AGMO: variants seen among roughly 807,000 people sequenced by gnomAD.
The protein encoded by AGMO is alkylglycerol monooxygenase.
A neutral mutation model predicts 60.2 loss-of-function variants in AGMO; 75 were observed. That is an observed-to-expected ratio of 1.25 (90% CI 1.03 to 1.51). The LOEUF (loss-of-function observed/expected upper bound fraction) is 1.51. AGMO is among the 40% of genes most tolerant of loss of function. AGMO has a pLI of 0.00. For missense variants in AGMO, 763 were observed against 525.5 expected (o/e 1.45, Z -4.42); for synonymous variants, 261 against 177.1 (o/e 1.47, Z -3.76).
downstream of AGMO, among the ~76,000 whole-genome samples, chr7:15,197,712 C>T (rs1217971712): frequency 6.6e-6 from 1 of 152,204 alleles, no homozygotes; most frequent in Non-Finnish European, 1.5e-5. Flanking sequence ...TGGACTCATT[C>T]ACCCTGTCAA....
chr7:15,544,355 A>C (rs188916237), intron 3 of AGMO, among the ~76,000 whole-genome samples: 1 of 152,260 alleles, frequency 6.6e-6, no homozygotes, highest in East Asian at 1.9e-4. Flanking sequence ...CTTGTTGCCC[A>C]AAAACCTATT....
intron 12 of AGMO, among the ~76,000 whole-genome samples, chr7:15,355,270 A>C (rs1364837630): frequency 6.6e-6 from 1 of 152,062 alleles, no homozygotes; most frequent in Non-Finnish European, 1.5e-5. Flanking sequence ...TGGGAGGCCG[A>C]GACGGGCGGA....
intron 12 of AGMO, among the ~76,000 whole-genome samples, chr7:15,357,089 A>C (rs1479580274): frequency 1.3e-5 from 2 of 151,818 alleles, no homozygotes; most frequent in Non-Finnish European, 1.5e-5. Flanking sequence ...GCACCATTGC[A>C]CAGAAGCGAG....
At chr7:15,558,542 AT>A (rs1785215501) in intron 2 of AGMO, among the ~76,000 whole-genome samples, 1 of 152,052 alleles carries the variant, frequency 6.6e-6, no homozygotes, top group South Asian at 2.1e-4. Context: ...GGGGACAAGT[AT>A]TATAATAAAG....
chr7:15,365,435 G>C (rs1014869866), intron 12 of AGMO, 79 bp downstream of exon 12: 5 of 751,170 alleles, frequency 6.7e-6, no homozygotes, highest in Non-Finnish European at 8.3e-6. Context: ...AAATGAAGTA[G>C]AGAAAACATC....
At chr7:15,372,584 C>T (rs1007754195) in intron 10 of AGMO, among the ~76,000 whole-genome samples, 5 of 151,882 alleles carry the variant, frequency 3.3e-5, no homozygotes, top group Non-Finnish European at 5.9e-5. Flanking sequence ...GAATTCATAC[C>T]ACCTTAGTAT....
intron 3 of AGMO, among the ~76,000 whole-genome samples, chr7:15,472,569 G>C (rs1782477159): frequency 6.6e-6 from 1 of 151,862 alleles, no homozygotes; most frequent in Non-Finnish European, 1.5e-5. Context: ...GTGTTGCTTT[G>C]AGAAAGAACA....
At chr7:15,360,788 A>G (rs569162295) in intron 12 of AGMO, among the ~76,000 whole-genome samples, 60 of 152,308 alleles carry the variant, frequency 3.9e-4, no homozygotes, top group Middle Eastern at 3.4e-3. Context: ...AAAAGCTATA[A>G]TAACTGCCAG....
At chr7:15,175,971 A>G in the AGMO span, among the ~76,000 whole-genome samples, 1 of 152,078 alleles carries the variant, frequency 6.6e-6, no homozygotes, top group East Asian at 1.9e-4. Context: ...TTACTGATAC[A>G]TGGAACCAAG....
chr7:15,453,466 C>T lies in AGMO; in HGVS notation c.410-22358G>A, dbSNP rs115554031. Among the ~76,000 whole-genome samples, 1,010 of 152,258 alleles carry T rather than the reference C, an allele frequency of 6.6e-3. 15 individuals carry two copies. The highest frequency in any genetic ancestry group is 0.023 in the African/African-American group (967 of 41,552). On this transcript the variant is annotated intron_variant, in intron 3 of 12. Coordinates refer to ENST00000342526, the MANE Select transcript of AGMO (RefSeq NM_001004320.2). ...CAGTGTAACAGAACACCGTACAAGT[C>T]AGGCTGCAAAAAGTGCTGCCTTAAC...
At chr7:15,559,456 C>A (rs1433648805) in intron 2 of AGMO, among the ~76,000 whole-genome samples, 1 of 152,064 alleles carries the variant, frequency 6.6e-6, no homozygotes, top group African/African-American at 2.4e-5. Context: ...TATGCTTAGA[C>A]CTAATGAATG....
intron 12 of AGMO, among the ~76,000 whole-genome samples, chr7:15,271,517 G>T (rs1319796762): frequency 6.6e-6 from 1 of 152,038 alleles, no homozygotes; most frequent in Non-Finnish European, 1.5e-5. Context: ...TGTTAATTTT[G>T]TATCTTGAAA....
intron 10 of AGMO, among the ~76,000 whole-genome samples, 164 bp downstream of exon 10, chr7:15,385,282 T>C (rs886374892): frequency 6.6e-6 from 1 of 152,232 alleles, no homozygotes; most frequent in Non-Finnish European, 1.5e-5. Context: ...TTACATTTAG[T>C]AGTCTAGAAG....
chr7:15,389,327 A>G (rs1784048396), intron 8 of AGMO, among the ~76,000 whole-genome samples: 1 of 152,154 alleles, frequency 6.6e-6, no homozygotes, highest in South Asian at 2.1e-4. Flanking sequence ...AATGACTGCA[A>G]TAAGGAGACA....
the AGMO span, among the ~76,000 whole-genome samples, chr7:15,193,127 C>G: frequency 6.6e-6 from 1 of 152,070 alleles, no homozygotes; most frequent in South Asian, 2.1e-4. Context: ...TTAATACATT[C>G]AAAAGTGTTG....
rs960294218 is a variant in AGMO, at chr7:15,560,970, A to G, written c.127-699T>C. ...CTTAAAAACTCAGAAAGAAAGTGTAATATCTAATCTTGAAAAAGATACGGA... is the reference window on the plus strand; with the variant it reads ...CTTAAAAACTCAGAAAGAAAGTGTAGTATCTAATCTTGAAAAAGATACGGA... On this transcript the variant is annotated intron_variant, in intron 1 of 12. Transcript: ENST00000342526. Among the ~76,000 whole-genome samples, 7 of 152,342 alleles carry G rather than the reference A, an allele frequency of 4.6e-5. No individual in the cohort carries two copies. In the South Asian group the frequency reaches 1.0e-3, roughly 23 times the overall value.
rs148131676 is a variant in AGMO at position 15,421,140 on chromosome 7, G to A, written c.514-2487C>T. Among the ~76,000 whole-genome samples, 33 of 152,292 alleles carry A rather than the reference G, an allele frequency of 2.2e-4. No individual in the cohort carries two copies. The East Asian group carries it at 5.8e-3, about 27-fold the overall frequency. On this transcript the variant is annotated intron_variant, in intron 4 of 12. Coordinates refer to ENST00000342526, the MANE Select transcript of AGMO (RefSeq NM_001004320.2). ...AAACATATTTGCTATTGTAGAAGGC[G>A]TTGGAGAGTAGTGTGGCTAGAAATC... is the stretch of plus-strand genomic sequence containing the variant.
chr7:15,164,461 C>T, the AGMO span, among the ~76,000 whole-genome samples: 3 of 152,036 alleles, frequency 2.0e-5, no homozygotes, highest in Admixed American at 1.3e-4. Flanking sequence ...AGACAATCCA[C>T]AGAATGGGAG....
intron 12 of AGMO, among the ~76,000 whole-genome samples, chr7:15,219,808 G>A (rs1781861667): frequency 6.6e-6 from 1 of 151,942 alleles, no homozygotes; most frequent in African/African-American, 2.4e-5. Context: ...GGATTTGAGG[G>A]GATTACACTG....
Sources: gnomAD v4.1 joint callset for allele counts (sites outside exome capture counted in the v4.1 genomes callset) on GRCh38, gnomAD v4.1.1 for gene constraint, MANE v1.5 for transcripts, NCBI Gene and HGNC (gene_info 2026-07-23, HGNC 2026-07-21) for gene names.